Variants in PHC3 observed in about 807,000 individuals in gnomAD.
PHC3 encodes the protein polyhomeotic-like protein 3.
PHC3 carries 13 observed loss-of-function variants against 107.4 expected under a neutral mutation model. That is an observed-to-expected ratio of 0.12 (90% CI 0.08 to 0.19). The LOEUF is 0.19. Among genes scored for constraint, PHC3 ranks in the 10% least tolerant of loss-of-function variants. The pLI is 1.00. For synonymous variants in PHC3, 456 were observed against 427.4 expected (o/e 1.07, Z -0.83); for missense variants, 992 against 1,210.9 (o/e 0.82, Z 2.68).
At position 170,111,305 on chromosome 3, in the gene PHC3, GGAAGGAAGGAAGGAAC is replaced by G. The variant is rs1451910339; in HGVS notation, c.2353+2039_2353+2054del. On this transcript the variant is annotated intron_variant, in intron 11 of 14. Transcript: ENST00000495893. ...AGGAAGGAAGGAAGGAAGGAAGGAA[GGAAGGAAGGAAGGAAC>G]GAACGAACGAAAGAACAAAAGAACG... Among the ~76,000 whole-genome samples the G allele has an allele frequency of 4.5e-3, 427 of 95,460 alleles. 1 individual carries two copies. The highest frequency in any genetic ancestry group is 0.015 in the Middle Eastern group (3 of 206). 62.6% of individuals were successfully genotyped at this position (95,460 alleles called of 152,430 possible).
chr3:170,117,584 T>G, intron 9 of PHC3, 108 bp from the exon 10 acceptor site: 1 of 1,128,658 alleles, frequency 8.9e-7, no homozygotes, highest in Non-Finnish European at 1.2e-6. Context: ...TCTGGTACTT[T>G]CAAAAACTGT....
At chr3:170,116,704 G>A (rs1042898838) in intron 10 of PHC3, among the ~76,000 whole-genome samples, 7 of 152,096 alleles carry the variant, frequency 4.6e-5, no homozygotes, top group African/African-American at 1.7e-4. Context: ...GACCCCAGGA[G>A]TTAAAAACCA....
intron 4 of PHC3, among the ~76,000 whole-genome samples, chr3:170,150,182 C>G: frequency 6.6e-6 from 1 of 152,194 alleles, no homozygotes; most frequent in Admixed American, 6.5e-5. Context: ...ACAGTTTATT[C>G]TGTCACATTC....
chr3:170,120,196 G>A (rs1719954402), intron 9 of PHC3, among the ~76,000 whole-genome samples: 2 of 152,130 alleles, frequency 1.3e-5, no homozygotes, highest in Non-Finnish European at 2.9e-5. Context: ...CAAAACTCCA[G>A]TTAATCCGCA....
intron 10 of PHC3, chr3:170,116,979 A>C: frequency 2.1e-6 from 1 of 482,462 alleles, no homozygotes; most frequent in Non-Finnish European, 3.7e-6. Context: ...CTTTCTCTAA[A>C]AATTATAAAA....
chr3:170,159,996 T>A (rs1470884766), intron 4 of PHC3, among the ~76,000 whole-genome samples: 2 of 152,216 alleles, frequency 1.3e-5, no homozygotes, highest in Non-Finnish European at 2.9e-5. Context: ...AAGAAAGTTA[T>A]AAGATACTCC....
chr3:170,090,436 TTAAGTACATGAATGACAATATTC>T lies in PHC3; in HGVS notation c.*6771_*6793del, dbSNP rs1302851039. Reference sequence around the variant, plus strand: ...TGTTCAAATAGTTTGCTAAATGAATTTAAGTACATGAATGACAATATTCATATGTGTTCATATATTCAGTGGTT... The same window carrying T: ...TGTTCAAATAGTTTGCTAAATGAATTATATGTGTTCATATATTCAGTGGTT... On this transcript the variant is annotated 3_prime_UTR_variant, in exon 15 of 15. Coordinates refer to ENST00000495893, the MANE Select transcript of PHC3 (RefSeq NM_024947.4). 2.0e-5 allele frequency: 3 copies of T among 152,206 alleles called. No individual in the cohort carries two copies. Among genetic ancestry groups the T allele is most frequent in the Non-Finnish European group, 4.4e-5 (3 of 68,034 alleles). 9.4% of individuals were successfully genotyped at this position (152,206 alleles called of 1,614,324 possible). A position where few individuals can be genotyped will look rare whatever the true frequency, so the allele number is the denominator to read the frequency against.
intron 4 of PHC3, among the ~76,000 whole-genome samples, chr3:170,158,061 C>A (rs1243581533): frequency 1.3e-5 from 2 of 151,924 alleles, no homozygotes; most frequent in African/African-American, 4.8e-5. Context: ...CTTATCCCTC[C>A]TACTAAACCC....
At chr3:170,132,628 C>G (rs1722445257) in intron 7 of PHC3, among the ~76,000 whole-genome samples, 1 of 152,208 alleles carries the variant, frequency 6.6e-6, no homozygotes, top group Admixed American at 6.5e-5. Context: ...AGGAAGTGAG[C>G]CTTCACCAGA....
chr3:170,118,123 T>C (rs980350522), intron 9 of PHC3, among the ~76,000 whole-genome samples: 1 of 152,250 alleles, frequency 6.6e-6, no homozygotes, highest in Non-Finnish European at 1.5e-5. Context: ...GTTTCTTAAT[T>C]TTAAGCTATT....
chr3:170,128,657 A>G (rs1424321289), intron 8 of PHC3, 27 bp downstream of exon 8: 1 of 1,586,782 alleles, frequency 6.3e-7, no homozygotes, highest in African/African-American at 1.4e-5. Flanking sequence ...GTTCAGCAAG[A>G]AAGTCAAAGA....
chr3:170,133,182 C>G (rs1722534425), intron 7 of PHC3, among the ~76,000 whole-genome samples: 1 of 141,404 alleles, frequency 7.1e-6, no homozygotes, highest in Non-Finnish European at 1.6e-5. Flanking sequence ...TTCAGATTAA[C>G]TTTTTTTTTT....
intron 6 of PHC3, among the ~76,000 whole-genome samples, chr3:170,136,973 TC>T (rs1723181583): frequency 2.0e-5 from 3 of 151,328 alleles, no homozygotes; most frequent in Non-Finnish European, 4.4e-5. Context: ...AAGGGAAGGA[TC>T]ATAAAGAACT....
chr3:170,162,339 ACAT>A (rs1210516115), intron 4 of PHC3, among the ~76,000 whole-genome samples: 1 of 152,194 alleles, frequency 6.6e-6, no homozygotes, highest in Non-Finnish European at 1.5e-5. Flanking sequence ...TGTCTAATAC[ACAT>A]CATCAACTTA....
intron 6 of PHC3, among the ~76,000 whole-genome samples, chr3:170,140,892 C>T (rs1233308298): frequency 6.6e-6 from 1 of 152,064 alleles, no homozygotes. Context: ...GCCATTATGC[C>T]CGGCTCATCT....
chr3:170,120,984 T>C (rs1317818271), intron 9 of PHC3, among the ~76,000 whole-genome samples: 1 of 152,246 alleles, frequency 6.6e-6, no homozygotes, highest in Non-Finnish European at 1.5e-5. Context: ...GTAGAGTTTC[T>C]ATGGCTATTC....
chr3:170,169,402 C>A (rs543305181), intron 4 of PHC3, among the ~76,000 whole-genome samples: 4 of 152,170 alleles, frequency 2.6e-5, no homozygotes, highest in Non-Finnish European at 4.4e-5. Context: ...CATGCTCCCC[C>A]CCGTTTTTGG....
Position 170,115,877 on chromosome 3 carries a change from TCACACACA to T in PHC3, c.2193+1341_2193+1348del, listed in dbSNP as rs148039100. Among the ~76,000 whole-genome samples, 652 of 148,570 alleles carry T rather than the reference TCACACACA, an allele frequency of 4.4e-3. 7 individuals carry two copies. The highest frequency in any genetic ancestry group is 7.3e-3 in the Non-Finnish European group (489 of 66,980). On this transcript the variant is annotated intron_variant, in intron 10 of 14. Coordinates refer to ENST00000495893, the MANE Select transcript of PHC3 (RefSeq NM_024947.4). ...AATTGTTATAGGAAATCCAAGTTTC[TCACACACA>T]CACACACACACACACACACGAAATT... is the stretch of plus-strand genomic sequence containing the variant.
intron 4 of PHC3, among the ~76,000 whole-genome samples, chr3:170,169,363 T>C (rs1729232291): frequency 6.6e-6 from 1 of 152,194 alleles, no homozygotes; most frequent in Non-Finnish European, 1.5e-5. Flanking sequence ...TGATGGCTCA[T>C]TATCATCACT....
Sources: gnomAD v4.1 joint callset for allele counts (sites outside exome capture counted in the v4.1 genomes callset) on GRCh38, gnomAD v4.1.1 for gene constraint, MANE v1.5 for transcripts, NCBI Gene and HGNC (gene_info 2026-07-23, HGNC 2026-07-21) for gene names.